Variants in RASGRF1 observed in about 807,000 individuals in gnomAD.
RASGRF1 encodes ras-specific guanine nucleotide-releasing factor 1.
A neutral mutation model predicts 138.7 loss-of-function variants in RASGRF1; 40 were observed. The ratio of observed to expected loss-of-function variants is 0.29; its 90% CI spans 0.22 to 0.38. RASGRF1 has a LOEUF of 0.38. RASGRF1 is among the 10% of genes least tolerant of loss of function. The pLI, the probability that RASGRF1 is intolerant of heterozygous loss-of-function variation, is 1.00. For missense variants in RASGRF1, 1,108 were observed against 1,650.4 expected (o/e 0.67, Z 5.69); for synonymous variants, 614 against 663.2 (o/e 0.93, Z 1.14).
intron 3 of RASGRF1, among the ~76,000 whole-genome samples, chr15:79,057,244 G>A (rs1180165699): frequency 6.6e-6 from 1 of 152,156 alleles, no homozygotes; most frequent in South Asian, 2.1e-4. Context: ...GGCAGTGCCA[G>A]GGTGCATTAC....
Position 79,059,247 on chromosome 15 carries a change from C to T in RASGRF1, c.384-766G>A, listed in dbSNP as rs1189890885. Among the ~76,000 whole-genome samples, 14 of 83,330 alleles carry T rather than the reference C, an allele frequency of 1.7e-4. 1 individual carries two copies. Among genetic ancestry groups the T allele is most frequent in the African/African-American group, 5.5e-4 (9 of 16,408 alleles). 54.7% of individuals were successfully genotyped at this position (83,330 alleles called of 152,430 possible). ...TCCTTCCCTTCCCTTCCCTTCCCTT[C>T]CCTATCCTTCCCTTCCCTTCCCTTC... is the stretch of plus-strand genomic sequence containing the variant. On this transcript the variant is annotated intron_variant, in intron 2 of 26. Transcript: ENST00000558480.
At chr15:79,084,213 G>A (rs1295684217) in intron 1 of RASGRF1, among the ~76,000 whole-genome samples, 4 of 152,242 alleles carry the variant, frequency 2.6e-5, no homozygotes, top group Non-Finnish European at 5.9e-5. Flanking sequence ...CCCAGTGGGA[G>A]AGAAGGTTCA....
chr15:79,017,029 A>G (rs2056888473), intron 12 of RASGRF1, among the ~76,000 whole-genome samples: 1 of 152,196 alleles, frequency 6.6e-6, no homozygotes. Flanking sequence ...GACCCATCAC[A>G]GGCCCTTGCT....
intron 3 of RASGRF1, among the ~76,000 whole-genome samples, chr15:79,056,993 A>G (rs140565927): frequency 6.6e-6 from 1 of 152,254 alleles, no homozygotes; most frequent in African/African-American, 2.4e-5. Flanking sequence ...CCTACCTCCC[A>G]CCGCTTTTTC....
chr15:79,074,446 A>T (rs937834773), intron 1 of RASGRF1, among the ~76,000 whole-genome samples: 1 of 152,238 alleles, frequency 6.6e-6, no homozygotes, highest in Admixed American at 6.5e-5. Context: ...CAGTATTGCA[A>T]GGACAGCCTC....
At position 79,006,383 on chromosome 15, in the gene RASGRF1, G is replaced by A; in HGVS notation, c.1878C>T (p.Thr626=). Residue 626 remains threonine (T), a synonymous_variant, in exon 14 of 27, where the codon ACC becomes ACT. Transcript: ENST00000558480. The surrounding 1 kb of genome is among the most constrained non-coding windows in gnomAD (Gnocchi z 4.0). ...TCTGCAGCACTTTGCAGGAGTTCATGGTTTTGCTGAAGCGAATGTCAACAT... is the reference window on the plus strand; with the variant it reads ...TCTGCAGCACTTTGCAGGAGTTCATAGTTTTGCTGAAGCGAATGTCAACAT... The part of the protein sequence containing the change: ...CDDVDIRFSK[T]MNSCKVLQIR... 1 of 1,614,126 alleles carries A rather than the reference G, an allele frequency of 6.2e-7. No individual in the cohort carries two copies. The highest frequency in any genetic ancestry group is 8.5e-7 in the Non-Finnish European group (1 of 1,180,020).
intron 13 of RASGRF1, among the ~76,000 whole-genome samples, chr15:79,010,087 G>A (rs1302207052): frequency 6.7e-6 from 1 of 148,346 alleles, no homozygotes; most frequent in Non-Finnish European, 1.5e-5. Context: ...CGCCCAGTCT[G>A]GAGGGCAGTG....
At chr15:78,995,932 T>C (rs565984597) in intron 19 of RASGRF1, 132 bp from the exon 20 acceptor site, 9 of 819,846 alleles carry the variant, frequency 1.1e-5, no homozygotes, top group Non-Finnish European at 1.8e-5. Flanking sequence ...AGGAGCACCC[T>C]TTCCCCTTCC....
At chr15:79,056,085 C>T (rs536716170) in intron 3 of RASGRF1, among the ~76,000 whole-genome samples, 3 of 152,084 alleles carry the variant, frequency 2.0e-5, no homozygotes, top group African/African-American at 7.2e-5. Flanking sequence ...CAGGGTGAGG[C>T]GTTTGAGCTT....
intron 2 of RASGRF1, among the ~76,000 whole-genome samples, chr15:79,060,600 A>C (rs1365580618): frequency 1.3e-5 from 2 of 152,104 alleles, no homozygotes; most frequent in Admixed American, 6.5e-5. Context: ...ACGTCTGTCA[A>C]ATGGGCTGAA....
chr15:78,991,356 C>T (rs371006767), intron 21 of RASGRF1, among the ~76,000 whole-genome samples: 112 of 152,344 alleles, frequency 7.4e-4, no homozygotes, highest in Middle Eastern at 3.4e-3. Flanking sequence ...GACCTACACA[C>T]GTGCCCACGC....
chr15:78,988,790 G>A (rs2056212306), intron 22 of RASGRF1, among the ~76,000 whole-genome samples: 1 of 151,760 alleles, frequency 6.6e-6, no homozygotes, highest in African/African-American at 2.4e-5. Context: ...CCGGCTCTGT[G>A]GTTCAGGGGT....
intron 26 of RASGRF1, among the ~76,000 whole-genome samples, chr15:78,969,013 A>G (rs1056058086): frequency 6.6e-6 from 1 of 152,174 alleles, no homozygotes; most frequent in Admixed American, 6.5e-5. Context: ...CCCATTGACT[A>G]CAAATCCCCA....
chr15:79,001,846 A>G (rs1374266936), intron 15 of RASGRF1, 59 bp from the exon 16 acceptor site: 1 of 1,169,358 alleles, frequency 8.6e-7, no homozygotes, highest in Admixed American at 3.4e-5. Context: ...AAATTTAAAT[A>G]TTTGATTTTA....
intron 26 of RASGRF1, 151 bp downstream of exon 26, chr15:78,971,715 G>A (rs1021806726): frequency 1.7e-5 from 12 of 701,804 alleles, no homozygotes; most frequent in East Asian, 2.6e-5. Flanking sequence ...ATAGGGACTA[G>A]GGAAGCCTTC....
chr15:79,022,094 T>C (rs964294695), intron 10 of RASGRF1, among the ~76,000 whole-genome samples: 1 of 152,090 alleles, frequency 6.6e-6, no homozygotes, highest in African/African-American at 2.4e-5. Context: ...AGTGCTGGGA[T>C]TTGAGTTGAT....
At chr15:78,978,808 C>T (rs2055945092) in intron 24 of RASGRF1, 1 of 1,151,724 alleles carries the variant, frequency 8.7e-7, no homozygotes, top group African/African-American at 1.6e-5. Flanking sequence ...CTCTGTGTGC[C>T]CTGCCTATGT....
intron 5 of RASGRF1, among the ~76,000 whole-genome samples, chr15:79,037,860 A>G (rs1044447223): frequency 2.0e-5 from 3 of 151,958 alleles, no homozygotes; most frequent in Non-Finnish European, 2.9e-5. Context: ...CTGCAACTAG[A>G]TGGTCCCATC....
At chr15:78,997,542 G>A (rs945529472) in intron 19 of RASGRF1, among the ~76,000 whole-genome samples, 1 of 152,062 alleles carries the variant, frequency 6.6e-6, no homozygotes, top group Non-Finnish European at 1.5e-5. Flanking sequence ...AGACCAGCCT[G>A]GCCAACATGG....
Sources: gnomAD v4.1 joint callset for allele counts (sites outside exome capture counted in the v4.1 genomes callset) on GRCh38, gnomAD v4.1.1 for gene constraint, Gnocchi (gnomAD v3.1) non-coding constraint, MANE v1.5 for transcripts, NCBI Gene and HGNC (gene_info 2026-07-23, HGNC 2026-07-21) for gene names.